The following MED13L variants were observed in gnomAD, a reference collection of about 807,000 sequenced individuals.
MED13L encodes the protein mediator of RNA polymerase II transcription subunit 13-like.
A neutral mutation model predicts 220.9 loss-of-function variants in MED13L; 7 were observed. The ratio of observed to expected loss-of-function variants is 0.03; its 90% CI spans 0.02 to 0.06. The LOEUF (loss-of-function observed/expected upper bound fraction) is 0.06. MED13L is among the 10% of genes least tolerant of loss of function. The probability of loss-of-function intolerance (pLI) is 1.00; values close to 1 mark genes in which losing one functional copy is unlikely to be tolerated. For synonymous variants in MED13L, 1,011 were observed against 1,015.2 expected (o/e 1.00, Z 0.08); for missense variants, 1,965 against 2,760.5 (o/e 0.71, Z 6.46).
chr12:116,099,417 T>C (rs1009299664), intron 3 of MED13L, among the ~76,000 whole-genome samples: 3 of 152,216 alleles, frequency 2.0e-5, no homozygotes, highest in African/African-American at 7.2e-5. Flanking sequence ...GTAACAGGTA[T>C]GGAGTCACGT....
At chr12:115,999,719 T>G (rs756788121) in intron 14 of MED13L, among the ~76,000 whole-genome samples, 4 of 152,170 alleles carry the variant, frequency 2.6e-5, no homozygotes, top group Non-Finnish European at 5.9e-5. Flanking sequence ...TGTTTTTACA[T>G]TTCCTGTAAG....
At chr12:116,208,220 C>G (rs1220908205) in intron 2 of MED13L, among the ~76,000 whole-genome samples, 1 of 152,048 alleles carries the variant, frequency 6.6e-6, no homozygotes, top group East Asian at 1.9e-4. Flanking sequence ...CACGGTGAAA[C>G]CCGGTTTCTA....
chr12:116,147,835 T>C (rs1203190653), intron 2 of MED13L, among the ~76,000 whole-genome samples: 1 of 151,876 alleles, frequency 6.6e-6, no homozygotes, highest in Non-Finnish European at 1.5e-5. Context: ...ACCCATAATA[T>C]TATTGAGTAA....
intron 3 of MED13L, among the ~76,000 whole-genome samples, chr12:116,104,136 A>C (rs1239647651): frequency 6.7e-6 from 1 of 149,424 alleles, no homozygotes; most frequent in Non-Finnish European, 1.5e-5. Context: ...TCAGTCTCCC[A>C]AGTAGCTGGG....
chr12:116,212,339 T>C (rs934384937), intron 2 of MED13L, among the ~76,000 whole-genome samples: 2 of 152,190 alleles, frequency 1.3e-5, no homozygotes, highest in Admixed American at 6.5e-5. Flanking sequence ...AAGTTAATTT[T>C]CATAAATGGT....
intron 4 of MED13L, among the ~76,000 whole-genome samples, chr12:116,025,769 G>C (rs1411810106): frequency 6.6e-6 from 1 of 152,180 alleles, no homozygotes; most frequent in Non-Finnish European, 1.5e-5. Context: ...GTTACAGTTA[G>C]AAACAATAAG....
intron 4 of MED13L, among the ~76,000 whole-genome samples, chr12:116,051,320 T>C (rs1037913811): frequency 6.6e-6 from 1 of 151,796 alleles, no homozygotes; most frequent in Non-Finnish European, 1.5e-5. Flanking sequence ...TTGATAACAA[T>C]AGAAATGAAT....
chr12:115,969,766 C>G (rs535099471), intron 27 of MED13L, among the ~76,000 whole-genome samples: 2 of 152,044 alleles, frequency 1.3e-5, no homozygotes. Flanking sequence ...TCAAGGGATC[C>G]GCCTGCCTCA....
intron 2 of MED13L, among the ~76,000 whole-genome samples, chr12:116,149,045 T>C (rs970241073): frequency 6.6e-6 from 1 of 152,220 alleles, no homozygotes; most frequent in Non-Finnish European, 1.5e-5. Flanking sequence ...CAACTCATTG[T>C]TTGAGATACT....
chr12:116,116,059 T>C (rs1338953583), intron 2 of MED13L, among the ~76,000 whole-genome samples: 1 of 152,162 alleles, frequency 6.6e-6, no homozygotes, highest in Non-Finnish European at 1.5e-5. Flanking sequence ...TTTGGTCCTG[T>C]TTCCTGACAT....
Position 116,038,744 on chromosome 12 carries a change from C to CAAAAAAAAAAAAAAAAAAAAAAA in MED13L, c.480-16166_480-16144dup, listed in dbSNP as rs63703461. The stretch of plus-strand genomic sequence containing the variant: ...GACTTTACCTATGCGGTCAAAAGGC[C>CAAAAAAAAAAAAAAAAAAAAAAA]AAAAAAAAAAAAAAAAAAAAAAAAA... On this transcript the variant is annotated intron_variant, in intron 4 of 30. Transcript: ENST00000281928. Among the ~76,000 whole-genome samples the CAAAAAAAAAAAAAAAAAAAAAAA allele has an allele frequency of 1.6e-4, 12 of 75,264 alleles. 2 individuals are homozygous for CAAAAAAAAAAAAAAAAAAAAAAA. Among genetic ancestry groups the CAAAAAAAAAAAAAAAAAAAAAAA allele is most frequent in the African/African-American group, 6.6e-4 (11 of 16,652 alleles). 49.4% of individuals were successfully genotyped at this position (75,264 alleles called of 152,430 possible).
At chr12:116,194,975 G>C (rs1412443745) in intron 2 of MED13L, among the ~76,000 whole-genome samples, 1 of 152,192 alleles carries the variant, frequency 6.6e-6, no homozygotes, top group African/African-American at 2.4e-5. Flanking sequence ...ACCAGTGAAG[G>C]CCTAGGTTTC....
At position 116,005,971 on chromosome 12, in the gene MED13L, A is replaced by C; in HGVS notation, c.2367T>G (p.Ala789=). The part of the protein sequence containing the change: ...TKTDVRQDNA[A]GRAGSSSLTQ... ...TAAGGCTACTGGAGCCAGCTCTGCCAGCAGCATTATCCTGCCGGACATCTG... is the reference window on the plus strand; with the variant it reads ...TAAGGCTACTGGAGCCAGCTCTGCCCGCAGCATTATCCTGCCGGACATCTG... The change falls in exon 13 of 31, where the codon GCT becomes GCG. Residue 789 remains alanine, a synonymous_variant. Transcript: ENST00000281928. The C allele has an allele frequency of 6.2e-7, 1 of 1,614,002 alleles. No individual in the cohort carries two copies.
At chr12:116,041,258 G>C (rs1289379641) in intron 4 of MED13L, among the ~76,000 whole-genome samples, 2 of 152,160 alleles carry the variant, frequency 1.3e-5, no homozygotes, top group Non-Finnish European at 2.9e-5. Flanking sequence ...TGATGAGTAT[G>C]TGTGTGTCTC....
chr12:116,038,417 T>C (rs1881315538), intron 4 of MED13L, among the ~76,000 whole-genome samples: 1 of 152,282 alleles, frequency 6.6e-6, no homozygotes, highest in South Asian at 2.1e-4. Context: ...TCCCTATTGC[T>C]AAACTGAAAT....
intron 2 of MED13L, among the ~76,000 whole-genome samples, chr12:116,120,461 TCTCTCTCTCTCTCTCTCA>T (rs1226470271): frequency 2.2e-5 from 3 of 138,116 alleles, no homozygotes; most frequent in Non-Finnish European, 4.7e-5. Flanking sequence ...TCTCTCTCTC[TCTCTCTCTCTCTCTCTCA>T]CACACACACA....
chr12:116,130,663 A>T (rs1482878380), intron 2 of MED13L, among the ~76,000 whole-genome samples: 3 of 152,094 alleles, frequency 2.0e-5, no homozygotes, highest in Admixed American at 2.0e-4. Context: ...GGATCATTGT[A>T]TCTGCCAACT....
At chr12:116,217,758 C>G (rs1344900933) in intron 2 of MED13L, among the ~76,000 whole-genome samples, 1 of 152,168 alleles carries the variant, frequency 6.6e-6, no homozygotes, top group Non-Finnish European at 1.5e-5. Context: ...TGCCCAATAC[C>G]TAACACATTA....
At chr12:116,060,193 T>C (rs1006506507) in intron 4 of MED13L, among the ~76,000 whole-genome samples, 9 of 152,082 alleles carry the variant, frequency 5.9e-5, no homozygotes, top group African/African-American at 2.2e-4. Context: ...CTCTGGATCA[T>C]TAAAACTGTC....
Sources: allele counts gnomAD v4.1 joint callset (sites outside exome capture counted in the v4.1 genomes callset), GRCh38; gene constraint gnomAD v4.1.1; transcripts MANE v1.5; gene names NCBI Gene and HGNC (gene_info 2026-07-23, HGNC 2026-07-21).